Variants in BLTP1 observed in about 807,000 individuals in gnomAD.
BLTP1 encodes bridge-like lipid transfer protein family member 1.
the BLTP1 span, chr4:122,227,160 T>C: frequency 7.0e-6 from 7 of 998,442 alleles, no homozygotes; most frequent in Admixed American, 5.9e-5. Context: ...GATTTAGAAA[T>C]TGAAGCAAAG....
the BLTP1 span, among the ~76,000 whole-genome samples, chr4:122,176,523 C>CT: frequency 5.3e-5 from 8 of 152,006 alleles, no homozygotes; most frequent in Admixed American, 4.6e-4. Flanking sequence ...TAAAAGTACA[C>CT]TACCACTCAT....
the BLTP1 span, among the ~76,000 whole-genome samples, chr4:122,274,054 C>T: frequency 6.6e-6 from 1 of 151,794 alleles, no homozygotes; most frequent in African/African-American, 2.4e-5. Flanking sequence ...ATGTAAAATG[C>T]CATTAGGCTA....
chr4:122,293,270 T>A, the BLTP1 span: 8 of 645,702 alleles, frequency 1.2e-5, no homozygotes, highest in South Asian at 6.9e-5. Flanking sequence ...AGTCCAGGAC[T>A]CTCACACAGA....
chr4:122,221,989 G>GA, the BLTP1 span: 3 of 616,238 alleles, frequency 4.9e-6, no homozygotes, highest in Non-Finnish European at 5.3e-6. Flanking sequence ...ATAGAGGTAT[G>GA]CAAACTTGTG....
At chr4:122,238,125 A>G in the BLTP1 span, 1 of 1,614,030 alleles carries the variant, frequency 6.2e-7, no homozygotes, top group Non-Finnish European at 8.5e-7. Flanking sequence ...AAAGAATGGG[A>G]AAACAAATCA....
At chr4:122,305,092 T>C in the BLTP1 span, 2,313 of 1,281,920 alleles carry the variant, frequency 1.8e-3, 58 homozygotes, top group Non-Finnish European at 2.3e-4. Flanking sequence ...TTTAGTTTAA[T>C]TTCCTAAAGT....
At chr4:122,331,097 A>G in the BLTP1 span, 1 of 963,190 alleles carries the variant, frequency 1.0e-6, no homozygotes. Flanking sequence ...ACTCCTTAAA[A>G]GTGGTGATTA....
At chr4:122,172,447 G>T in the BLTP1 span, 1 of 382,172 alleles carries the variant, frequency 2.6e-6, no homozygotes, top group Admixed American at 6.5e-5. Context: ...AATAAATTTA[G>T]AATATCATTT....
chr4:122,208,092 A>T, the BLTP1 span: 1 of 984,770 alleles, frequency 1.0e-6, no homozygotes, highest in African/African-American at 1.7e-5. Context: ...ATGGATAACC[A>T]GTAGTACTTG....
the BLTP1 span, chr4:122,305,170 G>T: frequency 5.1e-6 from 5 of 980,962 alleles, no homozygotes; most frequent in South Asian, 1.9e-4. Context: ...GCCGCATATT[G>T]TTATAGTTTA....
the BLTP1 span, chr4:122,169,803 G>A: frequency 2.0e-6 from 2 of 984,872 alleles, no homozygotes; most frequent in Non-Finnish European, 2.4e-6. Flanking sequence ...ATAGCAGGAG[G>A]TCTCTTTACT....
At chr4:122,355,594 T>A in the BLTP1 span, 4 of 150,464 alleles carry the variant, frequency 2.7e-5, no homozygotes, top group East Asian at 7.7e-4. Flanking sequence ...TATGTATATA[T>A]ACATATGTAT....
chr4:122,358,181 A>T, the BLTP1 span, among the ~76,000 whole-genome samples: 1 of 152,198 alleles, frequency 6.6e-6, no homozygotes, highest in Non-Finnish European at 1.5e-5. Context: ...GTAGAAAAAA[A>T]CAGATTCAAG....
the BLTP1 span, chr4:122,362,335 C>A: frequency 1.0e-6 from 1 of 999,248 alleles, no homozygotes; most frequent in Non-Finnish European, 1.4e-6. Context: ...TGAAATATAA[C>A]TTTAAAATAA....
the BLTP1 span, chr4:122,196,513 C>CA: frequency 1.4e-6 from 1 of 718,524 alleles, no homozygotes. Flanking sequence ...CTACAGAAAA[C>CA]AGTCTAATTG....
the BLTP1 span, chr4:122,162,687 G>A: frequency 1.0e-6 from 1 of 982,458 alleles, no homozygotes; most frequent in Middle Eastern, 5.2e-4. Context: ...AAGAAAAATA[G>A]AAGAGGAAAA....
the BLTP1 span, chr4:122,162,809 C>T: frequency 3.9e-6 from 1 of 258,238 alleles, no homozygotes; most frequent in Non-Finnish European, 6.0e-6. Flanking sequence ...GAACTTGACT[C>T]ATACTTTAAA....
At chr4:122,224,022 C>G in the BLTP1 span, 1 of 978,524 alleles carries the variant, frequency 1.0e-6, no homozygotes. Flanking sequence ...AGAAAACTCT[C>G]CTTGTATTTA....
the BLTP1 span, chr4:122,281,760 G>A: frequency 6.5e-7 from 1 of 1,547,352 alleles, no homozygotes; most frequent in Non-Finnish European, 8.7e-7. Context: ...AGAATGAGAA[G>A]TCATGGAATG....
Sources: allele counts gnomAD v4.1 joint callset (sites outside exome capture counted in the v4.1 genomes callset), GRCh38; gene constraint gnomAD v4.1.1; transcripts MANE v1.5; gene names NCBI Gene and HGNC (gene_info 2026-07-23, HGNC 2026-07-21).